The following DLGAP2 variants were observed in gnomAD, a reference collection of about 807,000 sequenced individuals.
The protein encoded by DLGAP2 is DLG associated protein 2.
A neutral mutation model predicts 100.3 loss-of-function variants in DLGAP2; 26 were observed. The ratio of observed to expected loss-of-function variants is 0.26; its 90% confidence interval spans 0.19 to 0.36. DLGAP2 has a LOEUF of 0.36. DLGAP2 is among the 10% of genes least tolerant of loss of function. DLGAP2 has a pLI of 1.00. For missense variants in DLGAP2, 1,858 were observed against 1,453.2 expected, an observed-to-expected ratio of 1.28 and a Z score of -4.53; for synonymous variants, 886 against 630.1, an observed-to-expected ratio of 1.41 and a Z score of -6.08.
chr8:791,069 G>A (rs1428070816), intron 1 of DLGAP2, among the ~76,000 whole-genome samples: 1 of 152,164 alleles, frequency 6.6e-6, no homozygotes, highest in Non-Finnish European at 1.5e-5. Context: ...GTCATTCTTT[G>A]TCATTGTGAA....
intron 2 of DLGAP2, among the ~76,000 whole-genome samples, chr8:932,256 AGAAAAGGGT>A (rs1798976699): frequency 6.6e-6 from 1 of 152,236 alleles, no homozygotes; most frequent in African/African-American, 2.4e-5. Flanking sequence ...GTTCTGAAAT[AGAAAAGGGT>A]GACAAATGTT....
chr8:1,421,172 C>T (rs922033572), intron 3 of DLGAP2, among the ~76,000 whole-genome samples: 3 of 152,168 alleles, frequency 2.0e-5, no homozygotes, highest in East Asian at 3.8e-4. Flanking sequence ...AACAGGAAGC[C>T]GAGCTCATTT....
intron 2 of DLGAP2, among the ~76,000 whole-genome samples, chr8:1,203,070 C>G (rs573274686): frequency 6.6e-6 from 1 of 152,170 alleles, no homozygotes; most frequent in South Asian, 2.1e-4. Flanking sequence ...CTCTCCGGCT[C>G]TCCCAAATGG....
At position 999,783 on chromosome 8, in the gene DLGAP2, G is replaced by C. The variant is rs116536578; in HGVS notation, c.73+91817G>C. Among the ~76,000 whole-genome samples, 577 of 152,298 alleles carry C rather than the reference G, an allele frequency of 3.8e-3. 1 individual carries two copies. Among genetic ancestry groups the C allele is most frequent in the African/African-American group, 0.013 (560 of 41,566 alleles). ...CGTGAGTCACTGCACCCGGCTGGTG[G>C]TGTGGTTTTAATACTCAGTTGAGTT... On this transcript the variant is annotated intron_variant, in intron 2 of 14. Coordinates refer to ENST00000637795, the MANE Select transcript of DLGAP2 (RefSeq NM_001346810.2).
intron 2 of DLGAP2, among the ~76,000 whole-genome samples, chr8:1,160,140 C>T (rs1400896880): frequency 2.0e-5 from 3 of 152,204 alleles, no homozygotes; most frequent in Non-Finnish European, 2.9e-5. Flanking sequence ...TGCTCTGAAT[C>T]GCTGTGCACT....
intron 3 of DLGAP2, 26 bp downstream of exon 3, chr8:1,258,909 G>A: frequency 8.1e-7 from 1 of 1,231,806 alleles, no homozygotes; most frequent in Non-Finnish European, 1.0e-6. Flanking sequence ...GCTGCCTGGG[G>A]TGGGCGGGGG....
At chr8:1,296,948 C>G (rs1800194092) in intron 3 of DLGAP2, 1 of 152,410 alleles carries the variant, frequency 6.6e-6, no homozygotes, top group Admixed American at 6.5e-5. Context: ...CATTCAATCC[C>G]AAGGTGGAGT....
chr8:1,431,825 C>A (rs1797453250), intron 3 of DLGAP2, among the ~76,000 whole-genome samples: 1 of 152,192 alleles, frequency 6.6e-6, no homozygotes, highest in South Asian at 2.1e-4. Context: ...CTTCTGATGC[C>A]TCCGTGTCGA....
At chr8:1,327,195 C>A (rs556105217) in intron 3 of DLGAP2, among the ~76,000 whole-genome samples, 2 of 152,206 alleles carry the variant, frequency 1.3e-5, no homozygotes, top group Admixed American at 1.3e-4. Context: ...GACGTTAACA[C>A]TGCTGTGTAT....
chr8:1,517,546 T>A (rs1327689086), intron 4 of DLGAP2, among the ~76,000 whole-genome samples: 1 of 152,092 alleles, frequency 6.6e-6, no homozygotes, highest in Non-Finnish European at 1.5e-5. Context: ...CCGCTCCTCT[T>A]TGGAAAACTG....
chr8:1,196,194 T>G lies in DLGAP2; in HGVS notation c.74-62657T>G, dbSNP rs77520599. On this transcript the variant is annotated intron_variant, in intron 2 of 14. Coordinates refer to ENST00000637795, the MANE Select transcript of DLGAP2 (RefSeq NM_001346810.2). ...AAAGACCCTACTTTCATGTTATGTG[T>G]TTTGTTTGGTAAAATATCCTTCAAT... Among the ~76,000 whole-genome samples the G allele has an allele frequency of 5.9e-5, 9 of 152,368 alleles. No homozygotes were observed. In the East Asian group the frequency reaches 1.7e-3, roughly 29 times the overall value.
Position 1,586,434 on chromosome 8 carries a change from C to T in DLGAP2, c.1442+20540C>T, listed in dbSNP as rs139445887. 5.0e-3 allele frequency among the ~76,000 whole-genome samples: 769 copies of T among 152,312 alleles called. 5 individuals carry two copies. Among genetic ancestry groups the T allele is most frequent in the African/African-American group, 0.017 (717 of 41,564 alleles). On this transcript the variant is annotated intron_variant, in intron 6 of 14. Coordinates refer to ENST00000637795, the MANE Select transcript of DLGAP2 (RefSeq NM_001346810.2). ...CTCACTCTGCAGACCCCTCCTGTCTCACGTCCACATCGATCTCCGACTTGC... is the reference window on the plus strand; with the variant it reads ...CTCACTCTGCAGACCCCTCCTGTCTTACGTCCACATCGATCTCCGACTTGC...
At chr8:1,196,399 G>A (rs758063786) in intron 2 of DLGAP2, among the ~76,000 whole-genome samples, 1 of 152,206 alleles carries the variant, frequency 6.6e-6, no homozygotes, top group Admixed American at 6.5e-5. Flanking sequence ...ACACAGGGGA[G>A]AAGCCAGATA....
intron 1 of DLGAP2, among the ~76,000 whole-genome samples, chr8:836,272 C>G (rs914333877): frequency 6.6e-6 from 1 of 152,180 alleles, no homozygotes; most frequent in Non-Finnish European, 1.5e-5. Context: ...TGACTGTCCC[C>G]GTCCATGTTC....
At chr8:1,205,529 G>A (rs940798026) in intron 2 of DLGAP2, among the ~76,000 whole-genome samples, 14 of 152,188 alleles carry the variant, frequency 9.2e-5, no homozygotes, top group African/African-American at 3.4e-4. Context: ...TTAATTCCCA[G>A]ATGGCTGGTG....
intron 3 of DLGAP2, among the ~76,000 whole-genome samples, chr8:1,298,886 C>T (rs995402988): frequency 3.3e-5 from 5 of 152,096 alleles, no homozygotes; most frequent in Non-Finnish European, 2.9e-5. Context: ...TAACACAGGC[C>T]TGAGGCAGGA....
At chr8:756,337 A>G (rs1820921278) in intron 1 of DLGAP2, among the ~76,000 whole-genome samples, 2 of 152,270 alleles carry the variant, frequency 1.3e-5, no homozygotes, top group South Asian at 4.1e-4. Flanking sequence ...GGCAAAGACG[A>G]TGTCGTTGTG....
rs193107457 is a variant in DLGAP2 at position 1,312,171 on chromosome 8, G to C, written c.106+53288G>C. ...ATTCTGGGCCAAAAATCTAGACACA[G>C]ATCTCAACCTTTTCATAAAAGTTAC... On this transcript the variant is annotated intron_variant, in intron 3 of 14. Transcript: ENST00000637795. Among the ~76,000 whole-genome samples, 223 of 152,294 alleles carry C rather than the reference G, an allele frequency of 1.5e-3. 1 individual carries two copies. The highest frequency in any genetic ancestry group is 5.1e-3 in the African/African-American group (213 of 41,556).
At chr8:1,536,107 G>T (rs143487260) in intron 4 of DLGAP2, among the ~76,000 whole-genome samples, 1 of 152,302 alleles carries the variant, frequency 6.6e-6, no homozygotes, top group African/African-American at 2.4e-5. Context: ...AGCAGGACAA[G>T]CACCTAGGGC....
Sources: allele counts gnomAD v4.1 joint callset (sites outside exome capture counted in the v4.1 genomes callset), GRCh38; gene constraint gnomAD v4.1.1; transcripts MANE v1.5; gene names NCBI Gene and HGNC (gene_info 2026-07-23, HGNC 2026-07-21).